RAI1: variants seen among roughly 807,000 people sequenced by gnomAD.
The protein encoded by RAI1 is retinoic acid-induced protein 1.
RAI1 carries 9 observed loss-of-function variants against 123.8 expected under a neutral mutation model. That is an observed-to-expected ratio of 0.07 (90% CI 0.04 to 0.13). RAI1 has a LOEUF of 0.13. Ranked by LOEUF, RAI1 falls within the 10% of genes least tolerant of loss-of-function variation. The pLI is 1.00. For synonymous variants in RAI1, 1,231 were observed against 1,127.3 expected, an observed-to-expected ratio of 1.09 and a Z score of -1.84; for missense variants, 2,256 against 2,545.8, an observed-to-expected ratio of 0.89 and a Z score of 2.45.
At chr17:17,787,746 G>A (rs2031875333) in intron 2 of RAI1, among the ~76,000 whole-genome samples, 1 of 152,216 alleles carries the variant, frequency 6.6e-6, no homozygotes, top group South Asian at 2.1e-4. Context: ...CAGCTTTAGA[G>A]TTAGGGGACC....
At chr17:17,695,913 G>C (rs1024511511) in intron 1 of RAI1, among the ~76,000 whole-genome samples, 7 of 152,154 alleles carry the variant, frequency 4.6e-5, no homozygotes, top group African/African-American at 1.7e-4. Flanking sequence ...TCGGCCTTTG[G>C]GTCTCCGAAG....
At position 17,809,197 on chromosome 17, in the gene RAI1, G is replaced by A. The variant is rs2032655905; in HGVS notation, c.5660-193G>A. 1.5e-6 allele frequency: 1 copy of A among 688,694 alleles called. No homozygotes were observed. The highest frequency in any genetic ancestry group is 1.8e-5 in the African/African-American group (1 of 56,454). The allele number at this position is 688,694 out of a possible 1,614,324, so 42.7% of individuals were successfully genotyped here. ...GAGGTGAGTCAAGACTGCCAGGCCA[G>A]GGGCCGCACCCGCGCCGTGGAGTGG... On this transcript the variant is annotated intron_variant, in intron 4 of 5. Coordinates refer to ENST00000353383, the MANE Select transcript of RAI1 (RefSeq NM_030665.4). The surrounding 1 kb of genome is among the most constrained non-coding windows in gnomAD (Gnocchi z 4.9).
chr17:17,797,464 C>T lies in RAI1; in HGVS notation c.4516C>T (p.Leu1506=). ...GAAGCCAAAGATGGAGGAGCTGGGC[C>T]TGGCCTCCCAGCCCCCGGAGGGCAG... ...GKKPKMEELG[L]ASQPPEGRPC... is the part of the protein sequence containing the mutation. Residue 1506 remains leucine (L), a synonymous_variant, in exon 3 of 6, where the codon CTG becomes TTG. Transcript: ENST00000353383. 3 of 1,613,424 alleles carry T rather than the reference C, an allele frequency of 1.9e-6. No individual in the cohort carries two copies. Among genetic ancestry groups the T allele is most frequent in the Non-Finnish European group, 2.5e-6 (3 of 1,179,874 alleles).
intron 2 of RAI1, among the ~76,000 whole-genome samples, chr17:17,790,374 G>C (rs769605190): frequency 6.6e-6 from 1 of 152,178 alleles, no homozygotes; most frequent in East Asian, 1.9e-4. Flanking sequence ...TGGGCTTCTC[G>C]TGTTTTAATT....
chr17:17,716,002 T>C (rs2142914355), intron 1 of RAI1, among the ~76,000 whole-genome samples: 1 of 152,360 alleles, frequency 6.6e-6, no homozygotes, highest in East Asian at 1.9e-4. Context: ...TGGGTTTCCC[T>C]TAGCAGAGAG....
chr17:17,808,183 G>A (rs544469206), intron 4 of RAI1, among the ~76,000 whole-genome samples: 10 of 152,000 alleles, frequency 6.6e-5, no homozygotes, highest in Non-Finnish European at 1.5e-4. Flanking sequence ...GGGGTCCCTG[G>A]GGGAAAAGCC....
Position 17,801,949 on chromosome 17 carries a change from G to C in RAI1, c.5566-1807G>C. The C allele has an allele frequency of 1.5e-5, 6 of 411,292 alleles. No homozygotes were observed. The highest frequency in any genetic ancestry group is 1.1e-4 in the South Asian group (6 of 56,110). The allele number at this position is 411,292 out of a possible 1,614,324, so 25.5% of individuals were successfully genotyped here. A position where few individuals can be genotyped will look rare whatever the true frequency, so the allele number is the denominator to read the frequency against. ...GCTTCCAGCCATGCCTGGCACATAGGAAGCTATTGTCGTTTGTTTCACTGG... is the reference window on the plus strand; with the variant it reads ...GCTTCCAGCCATGCCTGGCACATAGCAAGCTATTGTCGTTTGTTTCACTGG... On this transcript the variant is annotated intron_variant, in intron 3 of 5. Transcript: ENST00000353383. The surrounding 1 kb of genome is among the most constrained non-coding windows in gnomAD (Gnocchi z 4.1).
chr17:17,810,726 CT>C lies in RAI1; in HGVS notation c.*748del. Reference sequence around the variant, plus strand: ...ACACCCTTTGGCCTCTGTTTGTCCCCTTTCCAGTCCTCCACCCCACCCCTGG... The same window carrying C: ...ACACCCTTTGGCCTCTGTTTGTCCCCTTCCAGTCCTCCACCCCACCCCTGG... On this transcript the variant is annotated 3_prime_UTR_variant, in exon 6 of 6. Transcript: ENST00000353383. This position sits in a 1 kb window ranked among gnomAD's most constrained non-coding sequence, Gnocchi z 4.6. The C allele has an allele frequency of 2.3e-6, 1 of 435,218 alleles. No homozygotes were observed. The highest frequency in any genetic ancestry group is 4.7e-6 in the Non-Finnish European group (1 of 212,768). The allele number at this position is 435,218 out of a possible 1,614,324, so 27.0% of individuals were successfully genotyped here.
chr17:17,723,709 C>A (rs1487235490), intron 1 of RAI1, among the ~76,000 whole-genome samples: 1 of 149,146 alleles, frequency 6.7e-6, no homozygotes, highest in African/African-American at 2.5e-5. Context: ...TCCTCCTCCT[C>A]CCTTCCCCCG....
At chr17:17,721,017 C>T (rs1915863929) in intron 1 of RAI1, among the ~76,000 whole-genome samples, 1 of 152,140 alleles carries the variant, frequency 6.6e-6, no homozygotes, top group Admixed American at 6.5e-5. Context: ...CTACACCCAT[C>T]CCCAGAATCT....
Position 17,795,973 on chromosome 17 carries a change from G to A in RAI1, c.3025G>A (p.Glu1009Lys). The A allele has an allele frequency of 1.2e-6, 2 of 1,601,518 alleles. No individual in the cohort carries two copies. Among genetic ancestry groups the A allele is most frequent in the South Asian group, 1.1e-5 (1 of 89,922 alleles). The change falls in exon 3 of 6, where the codon GAG becomes AAG. Residue 1009 changes from glutamate (E) to lysine (K), a missense_variant. Transcript: ENST00000353383. This position sits in a 1 kb window ranked among gnomAD's most constrained non-coding sequence, Gnocchi z 5.9. ...CCGTCGGGTGCACCGGGGGCTGCCCGAGGCCGAGGACTCCCCATGCAGGGC... is the reference window on the plus strand; with the variant it reads ...CCGTCGGGTGCACCGGGGGCTGCCCAAGGCCGAGGACTCCCCATGCAGGGC... ...RSRRVHRGLP[E>K]AEDSPCRAPV...
chr17:17,708,586 C>A (rs933350230), intron 1 of RAI1, among the ~76,000 whole-genome samples: 1 of 152,116 alleles, frequency 6.6e-6, no homozygotes, highest in African/African-American at 2.4e-5. Context: ...GGACTCCATT[C>A]TAGAATCATG....
intron 1 of RAI1, among the ~76,000 whole-genome samples, chr17:17,691,089 G>A (rs1914821513): frequency 6.6e-6 from 1 of 152,230 alleles, no homozygotes; most frequent in Non-Finnish European, 1.5e-5. Context: ...GAAGGGTAAA[G>A]TCATCGGGTA....
chr17:17,727,520 G>T (rs1916135412), intron 2 of RAI1, among the ~76,000 whole-genome samples: 1 of 152,208 alleles, frequency 6.6e-6, no homozygotes. Flanking sequence ...CCCCCGACTG[G>T]GTGTGTTCAC....
intron 1 of RAI1, among the ~76,000 whole-genome samples, chr17:17,723,569 A>G (rs1370408178): frequency 1.5e-5 from 2 of 134,622 alleles, no homozygotes; most frequent in African/African-American, 5.8e-5. Flanking sequence ...AGCGCGTCGG[A>G]GCCTCGCAGC....
chr17:17,689,073 A>C (rs1914751469), intron 1 of RAI1, among the ~76,000 whole-genome samples: 1 of 151,626 alleles, frequency 6.6e-6, no homozygotes, highest in African/African-American at 2.4e-5. Context: ...CTCCTGCCTC[A>C]GCCTCCCTAG....
chr17:17,776,465 A>G (rs2031346147), intron 2 of RAI1, among the ~76,000 whole-genome samples: 1 of 151,802 alleles, frequency 6.6e-6, no homozygotes, highest in Non-Finnish European at 1.5e-5. Context: ...CCACCTCCTG[A>G]GTTCCAGCGA....
At chr17:17,783,465 G>C (rs573394476) in intron 2 of RAI1, among the ~76,000 whole-genome samples, 13 of 152,084 alleles carry the variant, frequency 8.5e-5, no homozygotes, top group African/African-American at 3.1e-4. Context: ...GCCCCTGAGG[G>C]AGTCCTGCGG....
chr17:17,784,504 T>G (rs1051199906), intron 2 of RAI1, among the ~76,000 whole-genome samples: 1 of 152,242 alleles, frequency 6.6e-6, no homozygotes, highest in African/African-American at 2.4e-5. Context: ...ACTCTGGGCT[T>G]CTTCCATTAA....
Sources: allele counts gnomAD v4.1 joint callset (sites outside exome capture counted in the v4.1 genomes callset), GRCh38; gene constraint gnomAD v4.1.1; non-coding constraint Gnocchi (gnomAD v3.1); transcripts MANE v1.5; gene names NCBI Gene and HGNC (gene_info 2026-07-23, HGNC 2026-07-21).